SPATS2: variants seen among roughly 807,000 people sequenced by gnomAD.
SPATS2 encodes spermatogenesis associated serine rich 2.
In SPATS2, 38 loss-of-function variants were observed where a neutral mutation model predicts 63.7. The observed-to-expected ratio is 0.60, with a 90% CI of 0.46 to 0.78. The LOEUF is 0.78. Ranked by LOEUF, SPATS2 falls within the 30% of genes least tolerant of loss-of-function variation. The pLI, the probability that SPATS2 is intolerant of heterozygous loss-of-function variation, is 0.00. For synonymous variants in SPATS2, 207 were observed against 232.9 expected, an observed-to-expected ratio of 0.89 and a Z score of 1.01; for missense variants, 588 against 666.2, an observed-to-expected ratio of 0.88 and a Z score of 1.29.
intron 3 of SPATS2, among the ~76,000 whole-genome samples, chr12:49,465,406 A>G (rs1170521638): frequency 6.6e-6 from 1 of 151,922 alleles, no homozygotes; most frequent in South Asian, 2.1e-4. Context: ...TAGATGTGTA[A>G]TGGTATCTCA....
intron 8 of SPATS2, among the ~76,000 whole-genome samples, chr12:49,498,037 G>T (rs1403033101): frequency 6.6e-6 from 1 of 150,530 alleles, no homozygotes; most frequent in Admixed American, 6.6e-5. Context: ...TATTACACAT[G>T]AGCCAAATTT....
intron 2 of SPATS2, among the ~76,000 whole-genome samples, chr12:49,383,985 A>G (rs570643937): frequency 1.3e-5 from 2 of 152,356 alleles, no homozygotes; most frequent in South Asian, 2.1e-4. Context: ...AAGAGTAAAG[A>G]TAGTACAAAG....
At chr12:49,376,767 G>A (rs1944113463) in intron 2 of SPATS2, among the ~76,000 whole-genome samples, 1 of 139,896 alleles carries the variant, frequency 7.1e-6, no homozygotes, top group Non-Finnish European at 1.5e-5. Flanking sequence ...GCCCAGGCTG[G>A]AGTGCAGTGG....
At chr12:49,416,138 C>T (rs1280348857) in intron 2 of SPATS2, among the ~76,000 whole-genome samples, 8 of 151,860 alleles carry the variant, frequency 5.3e-5, no homozygotes, top group East Asian at 3.9e-4. Flanking sequence ...AACAAAACTC[C>T]GTTTTATCTT....
intron 2 of SPATS2, chr12:49,389,376 G>A (rs1944379301): frequency 5.6e-6 from 3 of 539,118 alleles, no homozygotes; most frequent in Admixed American, 3.4e-5. Flanking sequence ...GTCTGGTTCA[G>A]CGTCTGCTAA....
In SPATS2 at chr12:49,389,701, G is replaced by A. The variant is rs573310295; in HGVS notation, c.-244+18411G>A. 19 of 1,549,736 alleles carry A rather than the reference G, an allele frequency of 1.2e-5. No homozygotes were observed. In the East Asian group the frequency reaches 3.6e-4, roughly 29 times the overall value. ...ATGAAGTCGCAAGAACATCGGCCAC[G>A]GTCCACGTTAGTTATGGGAATCCAG... is the stretch of plus-strand genomic sequence containing the variant. On this transcript the variant is annotated intron_variant, in intron 2 of 13. Transcript: ENST00000552918.
At chr12:49,473,220 G>A (rs1302836599) in intron 3 of SPATS2, among the ~76,000 whole-genome samples, 1 of 152,028 alleles carries the variant, frequency 6.6e-6, no homozygotes, top group African/African-American at 2.4e-5. Flanking sequence ...TTTGAAACCA[G>A]TCTAGCCATC....
chr12:49,392,567 G>T (rs964269026), intron 2 of SPATS2, among the ~76,000 whole-genome samples: 9 of 151,678 alleles, frequency 5.9e-5, no homozygotes, highest in Admixed American at 5.3e-4. Context: ...ACAAAAATTG[G>T]TCAGGCGTGG....
At chr12:49,405,724 G>A (rs1243460013) in intron 2 of SPATS2, among the ~76,000 whole-genome samples, 1 of 151,856 alleles carries the variant, frequency 6.6e-6, no homozygotes, top group African/African-American at 2.4e-5. Flanking sequence ...AAAAAAGGAG[G>A]GACTTGAGCT....
chr12:49,413,850 C>T (rs1008248797), intron 2 of SPATS2, among the ~76,000 whole-genome samples: 4 of 152,118 alleles, frequency 2.6e-5, no homozygotes, highest in Non-Finnish European at 5.9e-5. Flanking sequence ...CAGAAGATAA[C>T]CACTGTATTC....
intron 6 of SPATS2, among the ~76,000 whole-genome samples, chr12:49,494,357 A>G (rs139849087): frequency 2.6e-5 from 4 of 152,306 alleles, no homozygotes; most frequent in Admixed American, 2.6e-4. Flanking sequence ...ATATCATTCT[A>G]TATGCTTATA....
intron 2 of SPATS2, among the ~76,000 whole-genome samples, chr12:49,409,591 A>ATTTTTTTTTTTT (rs1565707922): frequency 8.1e-6 from 1 of 123,316 alleles, no homozygotes; most frequent in Non-Finnish European, 1.7e-5. Context: ...TGTGCCCAGC[A>ATTTTTTTTTTTT]ATTTTTTTTT....
At chr12:49,412,893 AATTATAAAAATAT>A (rs1944822612) in intron 2 of SPATS2, among the ~76,000 whole-genome samples, 1 of 152,204 alleles carries the variant, frequency 6.6e-6, no homozygotes, top group Non-Finnish European at 1.5e-5. Context: ...ATGTTAAAAC[AATTATAAAAATAT>A]CTTTTGCCAT....
intron 2 of SPATS2, among the ~76,000 whole-genome samples, chr12:49,408,847 C>T (rs973508097): frequency 8.6e-5 from 13 of 151,744 alleles, no homozygotes; most frequent in African/African-American, 2.2e-4. Flanking sequence ...TGAGCCACCG[C>T]GCCTGGCCAA....
At chr12:49,479,401 A>G (rs1946170191) in intron 3 of SPATS2, among the ~76,000 whole-genome samples, 1 of 152,206 alleles carries the variant, frequency 6.6e-6, no homozygotes, top group African/African-American at 2.4e-5. Context: ...AGGTGCCGAC[A>G]ACAGGGAGAA....
At chr12:49,511,198 A>G (rs1946747952) in intron 9 of SPATS2, among the ~76,000 whole-genome samples, 4 of 144,322 alleles carry the variant, frequency 2.8e-5, no homozygotes, top group Admixed American at 1.4e-4. Flanking sequence ...CAAAAAAAAG[A>G]AAAAAAAAAA....
Position 49,418,108 on chromosome 12 carries a change from G to GTTTTTTTTTT in SPATS2, c.-243-42647_-243-42638dup, listed in dbSNP as rs760281633. Reference sequence around the variant, plus strand: ...TGTAGCTTTCATTTTAAATGACTCAGTTTTTTTTTTTTTTTTTTTTTTTTG... The same window carrying GTTTTTTTTTT: ...TGTAGCTTTCATTTTAAATGACTCAGTTTTTTTTTTTTTTTTTTTTTTTTTTTTTTTTTTG... On this transcript the variant is annotated intron_variant, in intron 2 of 13. Transcript: ENST00000552918. Among the ~76,000 whole-genome samples, 40 of 76,050 alleles carry GTTTTTTTTTT rather than the reference G, an allele frequency of 5.3e-4. 4 individuals are homozygous for GTTTTTTTTTT. The highest frequency in any genetic ancestry group is 1.3e-3 in the African/African-American group (20 of 15,298). 49.9% of individuals were successfully genotyped at this position (76,050 alleles called of 152,430 possible).
intron 2 of SPATS2, among the ~76,000 whole-genome samples, chr12:49,446,532 T>TG (rs1333096969): frequency 6.6e-6 from 1 of 152,230 alleles, no homozygotes; most frequent in Non-Finnish European, 1.5e-5. Flanking sequence ...GCTGTTGGCC[T>TG]GGGATTCTTC....
chr12:49,453,886 G>A (rs1409105981), intron 2 of SPATS2, among the ~76,000 whole-genome samples: 3 of 110,182 alleles, frequency 2.7e-5, no homozygotes, highest in South Asian at 5.4e-4. Flanking sequence ...TTTTTGAGAC[G>A]GAGTCTTGCT....
Sources: gnomAD v4.1 joint callset for allele counts (sites outside exome capture counted in the v4.1 genomes callset) on GRCh38, gnomAD v4.1.1 for gene constraint, MANE v1.5 for transcripts, NCBI Gene and HGNC (gene_info 2026-07-23, HGNC 2026-07-21) for gene names.